The following MALT1 variants were observed in gnomAD, a reference collection of about 807,000 sequenced individuals.
The protein encoded by MALT1 is mucosa-associated lymphoid tissue lymphoma translocation protein 1.
In MALT1, 36 loss-of-function variants were observed where a neutral mutation model predicts 85.5. That is an observed-to-expected ratio of 0.42 (90% CI 0.32 to 0.56). The LOEUF (loss-of-function observed/expected upper bound fraction) is 0.56, where lower values mean the gene tolerates loss of function less well. Among genes scored for constraint, MALT1 ranks in the 20% least tolerant of loss-of-function variants. MALT1 has a pLI of 0.10. For missense variants in MALT1, 716 were observed against 981.6 expected, an observed-to-expected ratio of 0.73 and a Z score of 3.62; for synonymous variants, 359 against 361.3, an observed-to-expected ratio of 0.99 and a Z score of 0.07.
intron 12 of MALT1, 62 bp downstream of exon 12, chr18:58,734,443 C>G: frequency 7.4e-7 from 1 of 1,346,690 alleles, no homozygotes; most frequent in Non-Finnish European, 1.1e-6. Flanking sequence ...TTTGTTTTTG[C>G]TTTTTAGGAG....
At chr18:58,737,571 TTC>T in intron 13 of MALT1, among the ~76,000 whole-genome samples, 1 of 152,016 alleles carries the variant, frequency 6.6e-6, no homozygotes, top group Non-Finnish European at 1.5e-5. Flanking sequence ...TGTTACCAAT[TTC>T]TTTTTTTAAT....
intron 13 of MALT1, 89 bp from the exon 14 acceptor site, chr18:58,741,775 AC>A: frequency 2.8e-6 from 2 of 717,210 alleles, no homozygotes; most frequent in Non-Finnish European, 4.2e-6. Context: ...TGAGAATATA[AC>A]CTGATAATGT....
rs747062590 is a variant in MALT1 at position 58,747,716 on chromosome 18, A to AGATGCATTTATTTCAAGTTTC, written c.2351_2371dup (p.Asp784_Phe790dup). Reference sequence around the variant, plus strand: ...ATAGCTGTCATTGCAGCCGGACTCCAGATGCATTTATTTCAAGTTTCGCTC... The same window carrying AGATGCATTTATTTCAAGTTTC: ...ATAGCTGTCATTGCAGCCGGACTCCAGATGCATTTATTTCAAGTTTCGATGCATTTATTTCAAGTTTCGCTC... On this transcript the variant is annotated inframe_insertion, in exon 17 of 17. Transcript: ENST00000649217. The AGATGCATTTATTTCAAGTTTC allele has an allele frequency of 1.7e-5, 27 of 1,614,070 alleles. No homozygotes were observed. The Admixed American group carries it at 3.5e-4, about 21-fold the overall frequency.
At position 58,754,377 on chromosome 18, in the gene MALT1, C is replaced by T. The variant is rs1432989951; in HGVS notation, c.*6535C>T. On this transcript the variant is annotated 3_prime_UTR_variant, in exon 17 of 17. Coordinates refer to ENST00000649217, the MANE Select transcript of MALT1 (RefSeq NM_006785.4). ...TTGAAAACATTTCCAAAGGATTTGA[C>T]CTGAAGTTAATGTTGCTACATTATG... is the stretch of plus-strand genomic sequence containing the variant. The T allele has an allele frequency of 6.6e-6, 1 of 152,174 alleles. No individual in the cohort carries two copies. The highest frequency in any genetic ancestry group is 1.5e-5 in the Non-Finnish European group (1 of 68,030). The allele number at this position is 152,174 out of a possible 1,614,324, so 9.4% of individuals were successfully genotyped here.
intron 12 of MALT1, among the ~76,000 whole-genome samples, 181 bp from the exon 13 acceptor site, chr18:58,735,021 C>T (rs1275213859): frequency 6.6e-6 from 1 of 150,814 alleles, no homozygotes; most frequent in African/African-American, 2.4e-5. Flanking sequence ...TTTTTCCTAA[C>T]TGAAACATTG....
At chr18:58,709,354 T>G (rs2054800061) in intron 4 of MALT1, 24 bp from the exon 5 acceptor site, 1 of 1,492,560 alleles carries the variant, frequency 6.7e-7, no homozygotes, top group African/African-American at 1.4e-5. Flanking sequence ...AACCTAGAGA[T>G]TTTATTTTTT....
intron 1 of MALT1, among the ~76,000 whole-genome samples, chr18:58,679,578 G>A (rs1426475738): frequency 3.3e-5 from 5 of 152,098 alleles, no homozygotes; most frequent in African/African-American, 4.8e-5. Flanking sequence ...TTTTAAGACC[G>A]AGTCTCGATC....
At chr18:58,683,512 G>A (rs1334052455) in intron 2 of MALT1, among the ~76,000 whole-genome samples, 2 of 152,086 alleles carry the variant, frequency 1.3e-5, no homozygotes, top group South Asian at 2.1e-4. Context: ...CTAGGGTTTC[G>A]GAATTTTTAA....
Position 58,741,965 on chromosome 18 carries a change from A to G in MALT1, c.1704A>G (p.Glu568=), listed in dbSNP as rs1170795983. ...RALTDPIQGT[E]YSAESLVRNL... is the part of the protein sequence containing the mutation. ...TTACTGATCCAATACAGGGAACAGA[A>G]TATTCTGCTGAATCTCTTGTGCGGA... is the stretch of plus-strand genomic sequence containing the variant. The change falls in exon 14 of 17, where the codon GAA becomes GAG. Residue 568 remains glutamate, a synonymous_variant. Transcript: ENST00000649217. 6.4e-7 allele frequency: 1 copy of G among 1,559,398 alleles called. No individual in the cohort carries two copies. The highest frequency in any genetic ancestry group is 8.8e-7 in the Non-Finnish European group (1 of 1,140,772).
intron 2 of MALT1, among the ~76,000 whole-genome samples, chr18:58,689,047 G>T (rs934575935): frequency 6.6e-6 from 1 of 152,062 alleles, no homozygotes; most frequent in Admixed American, 6.6e-5. Context: ...AGCTATTGGG[G>T]GTGCTGAGGT....
chr18:58,725,922 G>A (rs2055048951), intron 10 of MALT1, among the ~76,000 whole-genome samples: 1 of 152,056 alleles, frequency 6.6e-6, no homozygotes, highest in South Asian at 2.1e-4. Context: ...TTAGCCCAGC[G>A]TGATGGTGGG....
chr18:58,714,222 T>G, intron 8 of MALT1, 113 bp downstream of exon 8: 1 of 475,430 alleles, frequency 2.1e-6, no homozygotes, highest in East Asian at 3.7e-5. Context: ...TTTCTCTTTA[T>G]TGAAATAATA....
intron 10 of MALT1, among the ~76,000 whole-genome samples, chr18:58,731,921 GA>G (rs1367469693): frequency 6.6e-6 from 1 of 152,072 alleles, no homozygotes; most frequent in Non-Finnish European, 1.5e-5. Context: ...ACCCACACTT[GA>G]AAATGGGTAT....
chr18:58,745,325 G>T (rs777954718), intron 15 of MALT1, among the ~76,000 whole-genome samples: 4 of 152,200 alleles, frequency 2.6e-5, no homozygotes, highest in Non-Finnish European at 4.4e-5. Flanking sequence ...CAAAAGTGAT[G>T]ATTAAGAGGA....
At chr18:58,702,220 C>CCAA (rs1555685210) in intron 4 of MALT1, among the ~76,000 whole-genome samples, 1 of 114,624 alleles carries the variant, frequency 8.7e-6, no homozygotes, top group Non-Finnish European at 1.7e-5. Flanking sequence ...AAAAAAAATG[C>CCAA]AAAAAAAAAA....
intron 14 of MALT1, among the ~76,000 whole-genome samples, chr18:58,743,482 A>C (rs763364518): frequency 1.3e-5 from 2 of 152,144 alleles, no homozygotes; most frequent in Non-Finnish European, 2.9e-5. Flanking sequence ...ATAACTGGAT[A>C]AGTAATTGAA....
chr18:58,688,643 T>C (rs1346323673), intron 2 of MALT1, among the ~76,000 whole-genome samples: 1 of 152,000 alleles, frequency 6.6e-6, no homozygotes, highest in African/African-American at 2.4e-5. Flanking sequence ...ATGATCCCTT[T>C]CCAGTAGTCA....
In MALT1 at chr18:58,681,341, G is replaced by A. The variant is rs1052913408; in HGVS notation, c.376+5G>A. 6.2e-7 allele frequency: 1 copy of A among 1,611,288 alleles called. No individual in the cohort carries two copies. Among genetic ancestry groups the A allele is most frequent in the South Asian group, 1.1e-5 (1 of 90,498 alleles). ...TTCAGCTTCTCAGCCCCCCAGGTAGGTTTTGTTCTTAGGATTATTCTCCAG... is the reference window on the plus strand; with the variant it reads ...TTCAGCTTCTCAGCCCCCCAGGTAGATTTTGTTCTTAGGATTATTCTCCAG... On this transcript the variant is annotated splice_donor_5th_base_variant and intron_variant, in intron 2 of 16. Coordinates refer to ENST00000649217, the MANE Select transcript of MALT1 (RefSeq NM_006785.4).
Position 58,709,417 on chromosome 18 carries a change from G to C in MALT1, c.689G>C (p.Cys230Ser). ...GTCTCTGAATCCAAGTTGCAAATCT[G>C]TGTTGAACCAACTTCCCAAAAGCTG... is the stretch of plus-strand genomic sequence containing the variant. Reference protein sequence around the residue: ...DGVSESKLQICVEPTSQKLMP... With the variant: ...DGVSESKLQISVEPTSQKLMP... Residue 230 changes from cysteine to serine, a missense_variant, in exon 5 of 17, where the codon TGT (cysteine) becomes TCT (serine). Transcript: ENST00000649217. 6.2e-7 allele frequency: 1 copy of C among 1,610,690 alleles called. No individual in the cohort carries two copies. The highest frequency in any genetic ancestry group is 2.2e-5 in the East Asian group (1 of 44,710).
Sources: gnomAD v4.1 joint callset for allele counts (sites outside exome capture counted in the v4.1 genomes callset) on GRCh38, gnomAD v4.1.1 for gene constraint, MANE v1.5 for transcripts, NCBI Gene and HGNC (gene_info 2026-07-23, HGNC 2026-07-21) for gene names.